EIF2B3: variants seen among roughly 807,000 people sequenced by gnomAD.
EIF2B3 encodes the protein eukaryotic translation initiation factor 2B subunit gamma.
EIF2B3 carries 20 observed loss-of-function variants against 54.1 expected under a neutral mutation model. That is an observed-to-expected ratio of 0.37 (90% CI 0.26 to 0.54). EIF2B3 has a LOEUF of 0.54. Ranked by LOEUF, EIF2B3 falls within the 20% of genes least tolerant of loss-of-function variation. The pLI is 0.86. For missense variants in EIF2B3, 448 were observed against 547.8 expected (o/e 0.82, Z 1.82); for synonymous variants, 153 against 188.1 (o/e 0.81, Z 1.52).
intron 10 of EIF2B3, among the ~76,000 whole-genome samples, chr1:44,865,785 T>A (rs968289980): frequency 2.0e-5 from 3 of 152,042 alleles, no homozygotes; most frequent in African/African-American, 7.2e-5. Context: ...GTCAGGCTGG[T>A]CTCGAACTCC....
chr1:44,883,888 G>T (rs1039878508), intron 6 of EIF2B3, among the ~76,000 whole-genome samples: 1 of 152,174 alleles, frequency 6.6e-6, no homozygotes, highest in African/African-American at 2.4e-5. Flanking sequence ...GCCCAGGCTG[G>T]AGTGCAGTGG....
At chr1:44,897,515 T>C in intron 5 of EIF2B3, 71 bp from the exon 6 acceptor site, 1 of 1,220,932 alleles carries the variant, frequency 8.2e-7, no homozygotes, top group Non-Finnish European at 1.2e-6. Context: ...TCCATTCTAT[T>C]ATCAGGTAGT....
chr1:44,978,214 G>T, intron 3 of EIF2B3, 101 bp downstream of exon 3: 1 of 1,388,472 alleles, frequency 7.2e-7, no homozygotes, highest in Non-Finnish European at 1.0e-6. Flanking sequence ...CTAGGTGACA[G>T]AGCGAGGTTC....
intron 3 of EIF2B3, among the ~76,000 whole-genome samples, chr1:44,952,556 A>T (rs993823612): frequency 7.1e-6 from 1 of 141,544 alleles, no homozygotes; most frequent in Admixed American, 7.0e-5. Context: ...CTTTTCTCCA[A>T]TTTTTTTTTT....
rs778575095 is a variant in EIF2B3 at position 44,959,126 on chromosome 1, G to A, written c.295-17461C>T. ...CTACGTAACATCCCTATTGCTAACCGTGAAGGCACCCTTGAACCATCTACG... is the reference window on the plus strand; with the variant it reads ...CTACGTAACATCCCTATTGCTAACCATGAAGGCACCCTTGAACCATCTACG... On this transcript the variant is annotated intron_variant, in intron 3 of 11. Transcript: ENST00000360403. The A allele has an allele frequency of 5.0e-5, 38 of 761,182 alleles. 1 individual carries two copies. The highest frequency in any genetic ancestry group is 7.6e-5 in the Non-Finnish European group (33 of 434,324). The allele number at this position is 761,182 out of a possible 1,614,324, so 47.2% of individuals were successfully genotyped here.
intron 6 of EIF2B3, among the ~76,000 whole-genome samples, chr1:44,892,844 A>G (rs1655847005): frequency 6.6e-6 from 1 of 152,162 alleles, no homozygotes; most frequent in Non-Finnish European, 1.5e-5. Context: ...TTATTGAAGT[A>G]AAGGACACAT....
intron 3 of EIF2B3, among the ~76,000 whole-genome samples, chr1:44,975,938 T>A (rs1557713699): frequency 6.6e-6 from 1 of 151,974 alleles, no homozygotes. Flanking sequence ...GGAGGTGCAG[T>A]GGAGGTGGAG....
At chr1:44,880,046 G>A in intron 7 of EIF2B3, 38 bp from the exon 8 acceptor site, 1 of 1,598,834 alleles carries the variant, frequency 6.3e-7, no homozygotes, top group Non-Finnish European at 8.6e-7. Context: ...ATAAATGAGA[G>A]AGAGATAACA....
In EIF2B3 at chr1:44,881,276, C is replaced by T. The variant is rs1002849308; in HGVS notation, c.784+336G>A. Among the ~76,000 whole-genome samples, 5 of 152,118 alleles carry T rather than the reference C, an allele frequency of 3.3e-5. No homozygotes were observed. Among genetic ancestry groups the T allele is most frequent in the Admixed American group, 6.5e-5 (1 of 15,270 alleles). On this transcript the variant is annotated intron_variant, in intron 7 of 11. Transcript: ENST00000360403. This position sits in a 1 kb window ranked among gnomAD's most constrained non-coding sequence, Gnocchi z 4.0. ...AAAAGAGGTTGAGTTTAATCAGGAA[C>T]GGGGCTGCCTAGAGCCTAGAGAACA... is the stretch of plus-strand genomic sequence containing the variant.
intron 3 of EIF2B3, among the ~76,000 whole-genome samples, chr1:44,973,067 GA>G (rs900599615): frequency 6.6e-6 from 1 of 152,132 alleles, no homozygotes; most frequent in African/African-American, 2.4e-5. Context: ...AAGAAAGAGA[GA>G]AAGAGGTTGG....
At chr1:44,937,054 G>C (rs752717355) in intron 4 of EIF2B3, among the ~76,000 whole-genome samples, 1 of 152,114 alleles carries the variant, frequency 6.6e-6, no homozygotes, top group South Asian at 2.1e-4. Flanking sequence ...GTGCAGTGCT[G>C]GGTATTTTTT....
intron 3 of EIF2B3, among the ~76,000 whole-genome samples, chr1:44,952,288 TG>T (rs1454345004): frequency 6.7e-6 from 1 of 149,694 alleles, no homozygotes; most frequent in East Asian, 2.0e-4. Flanking sequence ...TTAGTAGAGA[TG>T]GGGTTTCGCC....
At chr1:44,974,641 A>T (rs1644435265) in intron 3 of EIF2B3, among the ~76,000 whole-genome samples, 1 of 151,798 alleles carries the variant, frequency 6.6e-6, no homozygotes. Context: ...CCTGGGTGAC[A>T]GAGTGAGACT....
At chr1:44,917,433 C>T (rs187983227) in intron 5 of EIF2B3, among the ~76,000 whole-genome samples, 3 of 149,294 alleles carry the variant, frequency 2.0e-5, no homozygotes, top group East Asian at 2.0e-4. Flanking sequence ...GCAGAGGTTG[C>T]GGTGAGCCGA....
At chr1:44,926,166 C>G (rs781675284) in intron 5 of EIF2B3, among the ~76,000 whole-genome samples, 9 of 151,070 alleles carry the variant, frequency 6.0e-5, no homozygotes, top group Non-Finnish European at 1.2e-4. Context: ...AGGCAGAGGT[C>G]GCAGTGAGCC....
At chr1:44,910,428 G>C (rs140034513) in intron 5 of EIF2B3, among the ~76,000 whole-genome samples, 1 of 152,214 alleles carries the variant, frequency 6.6e-6, no homozygotes, top group Non-Finnish European at 1.5e-5. Flanking sequence ...AGTCAGAAAT[G>C]CAACAATCAG....
chr1:44,865,774 G>A (rs1022052567), intron 10 of EIF2B3, among the ~76,000 whole-genome samples: 12 of 151,890 alleles, frequency 7.9e-5, no homozygotes, highest in Non-Finnish European at 1.6e-4. Context: ...TCTCCATGTT[G>A]GTCAGGCTGG....
chr1:44,957,733 C>G (rs889182139), intron 3 of EIF2B3, among the ~76,000 whole-genome samples: 2 of 151,976 alleles, frequency 1.3e-5, no homozygotes, highest in African/African-American at 4.8e-5. Flanking sequence ...TGCATTCCAG[C>G]CTGGATGACA....
At chr1:44,852,899 T>C (rs2148890870) in intron 11 of EIF2B3, among the ~76,000 whole-genome samples, 1 of 151,998 alleles carries the variant, frequency 6.6e-6, no homozygotes, top group East Asian at 1.9e-4. Flanking sequence ...AGGTTTTGGG[T>C]AATGACTAAG....
Sources: gnomAD v4.1 joint callset for allele counts (sites outside exome capture counted in the v4.1 genomes callset) on GRCh38, gnomAD v4.1.1 for gene constraint, Gnocchi (gnomAD v3.1) non-coding constraint, MANE v1.5 for transcripts, NCBI Gene and HGNC (gene_info 2026-07-23, HGNC 2026-07-21) for gene names.